TTLL5: variants seen among roughly 807,000 people sequenced by gnomAD.
TTLL5 encodes tubulin polyglutamylase TTLL5.
A neutral mutation model predicts 168.4 loss-of-function variants in TTLL5; 132 were observed. The ratio of observed to expected loss-of-function variants is 0.78; its 90% CI spans 0.68 to 0.91. The LOEUF is 0.91. Among genes scored for constraint, TTLL5 ranks in the 40% least tolerant of loss-of-function variants. The pLI, the probability that TTLL5 is intolerant of heterozygous loss-of-function variation, is 0.00. For missense variants in TTLL5, 1,545 were observed against 1,581.5 expected, an observed-to-expected ratio of 0.98 and a Z score of 0.39; for synonymous variants, 546 against 558.6, an observed-to-expected ratio of 0.98 and a Z score of 0.32.
At chr14:75,867,517 T>C (rs1595174498) in intron 29 of TTLL5, among the ~76,000 whole-genome samples, 1 of 151,758 alleles carries the variant, frequency 6.6e-6, no homozygotes, top group East Asian at 1.9e-4. Flanking sequence ...ATCCCAGCAC[T>C]TTGGGAGGCC....
chr14:75,891,409 C>G (rs376448979), intron 30 of TTLL5, among the ~76,000 whole-genome samples: 69 of 152,320 alleles, frequency 4.5e-4, no homozygotes, highest in African/African-American at 1.6e-3. Context: ...GACAGATACC[C>G]TGTCTTCACC....
intron 20 of TTLL5, among the ~76,000 whole-genome samples, chr14:75,770,306 T>C (rs80117008): frequency 0.018 from 2,749 of 152,196 alleles, 87 homozygotes; most frequent in African/African-American, 0.06. Context: ...GAAGCTCTTA[T>C]GTATTAAACT....
At chr14:75,910,958 CCTTCT>C (rs1228037156) in intron 31 of TTLL5, among the ~76,000 whole-genome samples, 1 of 152,122 alleles carries the variant, frequency 6.6e-6, no homozygotes, top group African/African-American at 2.4e-5. Flanking sequence ...CAAGGGGCTC[CCTTCT>C]CTTAAAACTT....
intron 31 of TTLL5, among the ~76,000 whole-genome samples, chr14:75,947,298 G>A (rs767236389): frequency 1.3e-5 from 2 of 152,090 alleles, no homozygotes; most frequent in Non-Finnish European, 2.9e-5. Flanking sequence ...GAAAAAGGTT[G>A]GAAAAAGATA....
At chr14:75,794,166 A>T (rs891151311) in intron 27 of TTLL5, among the ~76,000 whole-genome samples, 1 of 152,194 alleles carries the variant, frequency 6.6e-6, no homozygotes, top group Non-Finnish European at 1.5e-5. Context: ...GGGAGTAAAT[A>T]AGAAGGCCTA....
chr14:75,818,825 C>G (rs1029437194), intron 27 of TTLL5, among the ~76,000 whole-genome samples: 1 of 152,012 alleles, frequency 6.6e-6, no homozygotes. Context: ...TTAATGCATA[C>G]GTAATATTGT....
At chr14:75,902,960 A>G (rs539875902) in intron 31 of TTLL5, among the ~76,000 whole-genome samples, 45 of 152,298 alleles carry the variant, frequency 3.0e-4, no homozygotes, top group East Asian at 1.9e-4. Context: ...TCAGCAGGGA[A>G]TGTGCTGCAA....
intron 2 of TTLL5, among the ~76,000 whole-genome samples, chr14:75,668,097 G>A (rs1024213184): frequency 2.0e-5 from 3 of 152,106 alleles, no homozygotes; most frequent in Admixed American, 2.0e-4. Context: ...GGGAGGGGCT[G>A]ACTTGGCCCT....
intron 17 of TTLL5, 126 bp from the exon 18 acceptor site, chr14:75,752,767 A>G (rs1594972306): frequency 1.4e-6 from 1 of 700,926 alleles, no homozygotes; most frequent in East Asian, 2.7e-5. Flanking sequence ...CTTTAGAAAC[A>G]GTATGTTTCA....
chr14:75,851,388 G>A (rs1896845979), intron 28 of TTLL5, among the ~76,000 whole-genome samples: 1 of 152,062 alleles, frequency 6.6e-6, no homozygotes, highest in Admixed American at 6.5e-5. Context: ...TTAAAAAATT[G>A]CTTTGGTTTT....
chr14:75,798,722 C>T (rs1317655882), intron 27 of TTLL5, among the ~76,000 whole-genome samples: 1 of 152,074 alleles, frequency 6.6e-6, no homozygotes, highest in East Asian at 1.9e-4. Context: ...ATTGTTGACC[C>T]AATGACCATT....
At chr14:75,928,342 C>CATATATATATATATATATATATATAT (rs3034073) in intron 31 of TTLL5, among the ~76,000 whole-genome samples, 1,219 of 81,600 alleles carry the variant, frequency 0.015, 87 homozygotes, top group African/African-American at 0.017. Context: ...ATGACAAAAA[C>CATATATATATATATATATATATATAT]ATATATATAT....
At chr14:75,699,482 G>A (rs1312168084) in intron 7 of TTLL5, among the ~76,000 whole-genome samples, 1 of 152,224 alleles carries the variant, frequency 6.6e-6, no homozygotes, top group African/African-American at 2.4e-5. Context: ...TGGCTAAAAA[G>A]ACACTTGATC....
Position 75,783,277 on chromosome 14 carries a change from G to A in TTLL5, c.2733G>A (p.Gly911=), listed in dbSNP as rs1241193494. The change falls in exon 26 of 32, where the codon GGG becomes GGA. Residue 911 remains glycine, a synonymous_variant. Transcript: ENST00000298832. Reference sequence around the variant, plus strand: ...TTACAACCTCTGACCTCTCTCCAGGGCCTTGCCACCATTCTTCTTTATCTC... The same window carrying A: ...TTACAACCTCTGACCTCTCTCCAGGACCTTGCCACCATTCTTCTTTATCTC... The part of the protein sequence containing the change: ...SSVTTSDLSP[G]PCHHSSLSQI... 5 of 1,613,944 alleles carry A rather than the reference G, an allele frequency of 3.1e-6. No homozygotes were observed. The highest frequency in any genetic ancestry group is 3.3e-5 in the Admixed American group (2 of 59,982).
At chr14:75,830,101 A>G (rs760952288) in intron 28 of TTLL5, among the ~76,000 whole-genome samples, 1 of 152,242 alleles carries the variant, frequency 6.6e-6, no homozygotes, top group Non-Finnish European at 1.5e-5. Context: ...CTACCTCTCA[A>G]GTCTGAGTCT....
chr14:75,906,308 C>T (rs1010812386), intron 31 of TTLL5, among the ~76,000 whole-genome samples: 1 of 152,122 alleles, frequency 6.6e-6, no homozygotes, highest in East Asian at 1.9e-4. Flanking sequence ...AGTACAGTCA[C>T]ATAAAACCCC....
At chr14:75,852,167 A>G (rs938590448) in intron 28 of TTLL5, among the ~76,000 whole-genome samples, 1 of 152,052 alleles carries the variant, frequency 6.6e-6, no homozygotes, top group Admixed American at 6.5e-5. Flanking sequence ...GCTCGATCTC[A>G]GCCTTAGTCA....
At chr14:75,881,611 A>C (rs2031815539) in intron 29 of TTLL5, among the ~76,000 whole-genome samples, 1 of 152,238 alleles carries the variant, frequency 6.6e-6, no homozygotes, top group African/African-American at 2.4e-5. Flanking sequence ...AATATTTCCT[A>C]AGAGCATCTC....
At chr14:75,892,392 C>A (rs903544765) in intron 30 of TTLL5, among the ~76,000 whole-genome samples, 1 of 152,212 alleles carries the variant, frequency 6.6e-6, no homozygotes, top group Non-Finnish European at 1.5e-5. Flanking sequence ...CAGGCAGTGG[C>A]AAGCTCCTGT....
Sources: gnomAD v4.1 joint callset for allele counts (sites outside exome capture counted in the v4.1 genomes callset) on GRCh38, gnomAD v4.1.1 for gene constraint, MANE v1.5 for transcripts, NCBI Gene and HGNC (gene_info 2026-07-23, HGNC 2026-07-21) for gene names.